Variants in NF2 observed in about 807,000 individuals in gnomAD.
The protein encoded by NF2 is NF2, moesin-ezrin-radixin like (MERLIN) tumor suppressor, also known as merlin.
Under a neutral mutation model 83.7 loss-of-function variants are expected in NF2, and 8 were observed. The observed-to-expected ratio is 0.10, with a 90% CI of 0.06 to 0.17. NF2 has a LOEUF of 0.17. Ranked by LOEUF, NF2 falls within the 10% of genes least tolerant of loss-of-function variation. The pLI is 1.00. For missense variants in NF2, 533 were observed against 744.4 expected (o/e 0.72, Z 3.31); for synonymous variants, 266 against 269.6 (o/e 0.99, Z 0.13).
chr22:29,647,522 A>G (rs1203116713), intron 4 of NF2, among the ~76,000 whole-genome samples: 2 of 152,102 alleles, frequency 1.3e-5, no homozygotes, highest in Non-Finnish European at 2.9e-5. Flanking sequence ...AAACAGGGAG[A>G]CCTATTAGAA....
At chr22:29,691,322 C>G (rs573038859) in intron 15 of NF2, among the ~76,000 whole-genome samples, 33 of 152,294 alleles carry the variant, frequency 2.2e-4, no homozygotes, top group Non-Finnish European at 4.3e-4. Flanking sequence ...CTTCAGTGCT[C>G]AACTCACAGT....
At chr22:29,651,247 T>A (rs973766019) in intron 4 of NF2, among the ~76,000 whole-genome samples, 7 of 152,226 alleles carry the variant, frequency 4.6e-5, no homozygotes, top group East Asian at 1.9e-4. Context: ...CAGGAAATTA[T>A]TTCATATCCA....
chr22:29,679,012 A>G (rs1452101813), intron 14 of NF2, among the ~76,000 whole-genome samples: 2 of 152,250 alleles, frequency 1.3e-5, no homozygotes, highest in Non-Finnish European at 2.9e-5. Context: ...GAGGACAACC[A>G]CAGTAGCTAC....
intron 6 of NF2, among the ~76,000 whole-genome samples, chr22:29,656,529 A>G (rs924228347): frequency 2.0e-5 from 3 of 146,642 alleles, no homozygotes; most frequent in African/African-American, 7.6e-5. Context: ...CTCCTGCCTC[A>G]GCCTCCCGAG....
At chr22:29,626,503 A>G (rs1439562995) in intron 1 of NF2, among the ~76,000 whole-genome samples, 1 of 152,178 alleles carries the variant, frequency 6.6e-6, no homozygotes, top group African/African-American at 2.4e-5. Context: ...GTACCTTCTA[A>G]TGTTATTAAA....
At chr22:29,604,312 A>G (rs2064726997) in intron 1 of NF2, among the ~76,000 whole-genome samples, 200 bp downstream of exon 1, 1 of 152,092 alleles carries the variant, frequency 6.6e-6, no homozygotes, top group African/African-American at 2.4e-5. Flanking sequence ...GGTTATTTTC[A>G]TTCATTGTTA....
chr22:29,604,245 G>A (rs1323569963), intron 1 of NF2, 133 bp downstream of exon 1: 16 of 726,736 alleles, frequency 2.2e-5, no homozygotes, highest in South Asian at 1.1e-4. Context: ...AAAACCTCAT[G>A]TTAAAGATGA....
At chr22:29,640,326 A>C (rs556536894) in intron 3 of NF2, among the ~76,000 whole-genome samples, 1 of 151,940 alleles carries the variant, frequency 6.6e-6, no homozygotes, top group East Asian at 1.9e-4. Context: ...TTCTTCCTTA[A>C]TTCCTCATTA....
chr22:29,624,067 TGATGGAAGGGGTAAATTG>T (rs2065280821), intron 1 of NF2, among the ~76,000 whole-genome samples: 1 of 152,214 alleles, frequency 6.6e-6, no homozygotes, highest in Admixed American at 6.5e-5. Flanking sequence ...GCTACAGCCC[TGATGGAAGGGGTAAATTG>T]GCCTGGGAAA....
intron 15 of NF2, among the ~76,000 whole-genome samples, chr22:29,690,360 T>G (rs2067373055): frequency 6.6e-6 from 1 of 152,170 alleles, no homozygotes. Flanking sequence ...CACACACAAT[T>G]TGGGGAGCGT....
chr22:29,622,646 A>ATTTTTT (rs35744962), intron 1 of NF2, among the ~76,000 whole-genome samples: 1 of 63,258 alleles, frequency 1.6e-5, no homozygotes, highest in Non-Finnish European at 3.0e-5. Context: ...AAGACCCTGT[A>ATTTTTT]TTTTTTTTTT....
intron 15 of NF2, among the ~76,000 whole-genome samples, chr22:29,685,957 T>C (rs79609702): frequency 1.8e-4 from 20 of 113,940 alleles, no homozygotes; most frequent in African/African-American, 2.8e-4. Flanking sequence ...CGCTCTCTCT[T>C]TTTTTTTTTT....
intron 1 of NF2, among the ~76,000 whole-genome samples, chr22:29,618,489 A>G (rs1010581965): frequency 2.6e-5 from 4 of 152,154 alleles, no homozygotes; most frequent in Non-Finnish European, 4.4e-5. Flanking sequence ...CTCCTGCACT[A>G]CTTGCTGCAT....
chr22:29,613,083 C>T (rs938456133), intron 1 of NF2, among the ~76,000 whole-genome samples: 27 of 150,036 alleles, frequency 1.8e-4, no homozygotes, highest in African/African-American at 2.5e-5. Flanking sequence ...GCAACAAGAG[C>T]GAAACTCCAT....
At chr22:29,681,032 CTCTT>C (rs2067117111) in intron 14 of NF2, among the ~76,000 whole-genome samples, 1 of 151,134 alleles carries the variant, frequency 6.6e-6, no homozygotes, top group African/African-American at 2.4e-5. Context: ...GGCTTTTCTA[CTCTT>C]TCTTTTTCTT....
chr22:29,604,028 C>T lies in NF2; in HGVS notation c.30C>T (p.Ser10=). Reference sequence around the variant, plus strand: ...CCGGGGCCATCGCTTCCCGCATGAGCTTCAGCTCTCTCAAGAGGAAGCAAC... The same window carrying T: ...CCGGGGCCATCGCTTCCCGCATGAGTTTCAGCTCTCTCAAGAGGAAGCAAC... MAGAIASRM[S]FSSLKRKQPK... is the part of the protein sequence containing the mutation. Residue 10 remains serine (S), a synonymous_variant, in exon 1 of 16, where the codon AGC becomes AGT. Coordinates refer to ENST00000338641, the MANE Select transcript of NF2 (RefSeq NM_000268.4). 1 of 1,598,924 alleles carries T rather than the reference C, an allele frequency of 6.3e-7. No homozygotes were observed. The highest frequency in any genetic ancestry group is 1.1e-5 in the South Asian group (1 of 88,662).
At chr22:29,628,142 G>GTGTT (rs1270361819) in intron 1 of NF2, among the ~76,000 whole-genome samples, 5 of 79,986 alleles carry the variant, frequency 6.3e-5, no homozygotes, top group Non-Finnish European at 1.2e-4. Context: ...GACTTAATCT[G>GTGTT]TGTGTGTGTG....
chr22:29,671,155 C>T lies in NF2; in HGVS notation c.1000-671C>T, dbSNP rs60965931. On this transcript the variant is annotated intron_variant, in intron 10 of 15. Transcript: ENST00000338641. ...GAGGAGGTCCTGCATTGCATCCCAT[C>T]GGCCATGGGGCAGAGCCACCTGGGG... Among the ~76,000 whole-genome samples the T allele has an allele frequency of 1.4e-3, 220 of 152,264 alleles. 3 individuals are homozygous for T. The South Asian group carries it at 0.022, about 15-fold the overall frequency.
At chr22:29,682,891 C>A in intron 15 of NF2, 1 of 1,119,914 alleles carries the variant, frequency 8.9e-7, no homozygotes, top group Non-Finnish European at 1.3e-6. Context: ...CCGTTCCAAG[C>A]CATTAAAACA....
Sources: gnomAD v4.1 joint callset for allele counts (sites outside exome capture counted in the v4.1 genomes callset) on GRCh38, gnomAD v4.1.1 for gene constraint, MANE v1.5 for transcripts, NCBI Gene and HGNC (gene_info 2026-07-23, HGNC 2026-07-21) for gene names.